The following SLC39A9 variants were observed in gnomAD, a reference collection of about 807,000 sequenced individuals.
SLC39A9 encodes zinc transporter ZIP9.
SLC39A9 carries 14 observed loss-of-function variants against 28.4 expected under a neutral mutation model. The observed-to-expected ratio is 0.49, with a 90% CI of 0.33 to 0.77. The LOEUF (loss-of-function observed/expected upper bound fraction) is 0.77. Ranked by LOEUF, SLC39A9 falls within the 30% of genes least tolerant of loss-of-function variation. The pLI is 0.02. For missense variants in SLC39A9, 283 were observed against 381.1 expected (o/e 0.74, Z 2.14); for synonymous variants, 119 against 149.6 (o/e 0.80, Z 1.49).
intron 2 of SLC39A9, among the ~76,000 whole-genome samples, chr14:69,425,836 AT>A (rs1281090762): frequency 1.3e-5 from 2 of 150,918 alleles, no homozygotes; most frequent in Non-Finnish European, 3.0e-5. Flanking sequence ...CTAATGTTTA[AT>A]TTTTTTTTGT....
At chr14:69,434,796 T>G (rs1337159454) in intron 2 of SLC39A9, among the ~76,000 whole-genome samples, 1 of 152,246 alleles carries the variant, frequency 6.6e-6, no homozygotes, top group Non-Finnish European at 1.5e-5. Context: ...TAATTTTTCA[T>G]GCAACTTCCT....
intron 2 of SLC39A9, chr14:69,441,732 G>T: frequency 1.1e-6 from 1 of 929,726 alleles, no homozygotes; most frequent in Non-Finnish European, 1.3e-6. Flanking sequence ...ATTTTCTGGT[G>T]AGATTGGCAT....
intron 1 of SLC39A9, among the ~76,000 whole-genome samples, chr14:69,412,257 C>T (rs942316815): frequency 3.3e-5 from 5 of 151,584 alleles, no homozygotes; most frequent in South Asian, 2.1e-4. Context: ...GGCATGGTGG[C>T]GGGCGCCTAT....
chr14:69,443,116 A>G (rs1401660640), intron 3 of SLC39A9, among the ~76,000 whole-genome samples: 1 of 152,218 alleles, frequency 6.6e-6, no homozygotes, highest in Non-Finnish European at 1.5e-5. Context: ...TACGATTTAT[A>G]TTAATAAAAA....
Position 69,460,097 on chromosome 14 carries a change from A to T in SLC39A9, c.*1504A>T. 2.0e-6 allele frequency: 2 copies of T among 978,944 alleles called. No homozygotes were observed. Among genetic ancestry groups the T allele is most frequent in the Non-Finnish European group, 1.2e-6 (1 of 823,716 alleles). 60.6% of individuals were successfully genotyped at this position (978,944 alleles called of 1,614,324 possible). ...ACCCTGTCTTGTCAAATAAGTGTAT[A>T]ATATTGTATTATTAATTTATTTTTA... On this transcript the variant is annotated 3_prime_UTR_variant, in exon 7 of 7. Coordinates refer to ENST00000336643, the MANE Select transcript of SLC39A9 (RefSeq NM_018375.5).
rs182499903 is a variant in SLC39A9, at chr14:69,458,711, C to T, written c.*118C>T. The T allele has an allele frequency of 3.2e-3, 4,577 of 1,431,876 alleles. 26 individuals carry two copies. Among genetic ancestry groups the T allele is most frequent in the Non-Finnish European group, 2.8e-3 (3,105 of 1,094,134 alleles). The allele number at this position is 1,431,876 out of a possible 1,614,324, so 88.7% of individuals were successfully genotyped here. A position where few individuals can be genotyped will look rare whatever the true frequency, so the allele number is the denominator to read the frequency against. On this transcript the variant is annotated 3_prime_UTR_variant, in exon 7 of 7. Coordinates refer to ENST00000336643, the MANE Select transcript of SLC39A9 (RefSeq NM_018375.5). ...CACCTTGCGCATCTCTACATGTATT[C>T]CTAGAGTCCAGAGGGGAGGTGAGGT...
intron 3 of SLC39A9, among the ~76,000 whole-genome samples, chr14:69,452,775 A>G (rs866763364): frequency 6.6e-6 from 1 of 152,218 alleles, no homozygotes; most frequent in Non-Finnish European, 1.5e-5. Flanking sequence ...AATGTGACAG[A>G]TGTTAGAATG....
At chr14:69,421,249 C>T (rs1312560635) in intron 1 of SLC39A9, among the ~76,000 whole-genome samples, 1 of 152,234 alleles carries the variant, frequency 6.6e-6, no homozygotes, top group East Asian at 1.9e-4. Context: ...TTCTAACAGT[C>T]AGGTCCCTCA....
At chr14:69,399,743 A>T (rs1366835388) in intron 1 of SLC39A9, among the ~76,000 whole-genome samples, 1 of 152,184 alleles carries the variant, frequency 6.6e-6, no homozygotes, top group African/African-American at 2.4e-5. Context: ...CTGTGCATTT[A>T]CCTGGAGAGA....
intron 3 of SLC39A9, among the ~76,000 whole-genome samples, chr14:69,445,233 G>A (rs1885235880): frequency 6.6e-6 from 1 of 151,594 alleles, no homozygotes; most frequent in Non-Finnish European, 1.5e-5. Flanking sequence ...TGCCTCTCCT[G>A]CCCCCCTTCC....
intron 1 of SLC39A9, among the ~76,000 whole-genome samples, chr14:69,418,184 A>C (rs1243597937): frequency 6.6e-6 from 1 of 152,088 alleles, no homozygotes; most frequent in Non-Finnish European, 1.5e-5. Flanking sequence ...AGAGCTGTTG[A>C]ATTTTGTCAA....
chr14:69,460,029 G>T lies in SLC39A9; in HGVS notation c.*1436G>T. 1 of 984,968 alleles carries T rather than the reference G, an allele frequency of 1.0e-6. No homozygotes were observed. The highest frequency in any genetic ancestry group is 1.2e-6 in the Non-Finnish European group (1 of 829,184). The allele number at this position is 984,968 out of a possible 1,614,324, so 61.0% of individuals were successfully genotyped here. On this transcript the variant is annotated 3_prime_UTR_variant, in exon 7 of 7. Coordinates refer to ENST00000336643, the MANE Select transcript of SLC39A9 (RefSeq NM_018375.5). ...ATTGAGATAGCAAAAGTGTTTAACA[G>T]ACTAGGATAATTTTTTTTTCATATT...
intron 2 of SLC39A9, among the ~76,000 whole-genome samples, chr14:69,437,002 G>A (rs1465285488): frequency 6.6e-6 from 1 of 152,032 alleles, no homozygotes; most frequent in Non-Finnish European, 1.5e-5. Context: ...CGAGTAGCTG[G>A]GACTACAGGT....
chr14:69,450,104 G>T (rs753205510), intron 3 of SLC39A9, among the ~76,000 whole-genome samples: 7 of 152,064 alleles, frequency 4.6e-5, no homozygotes, highest in Admixed American at 3.9e-4. Context: ...AACAAGAATC[G>T]CTTGAACCTG....
rs1886093000 is a variant in SLC39A9, at chr14:69,461,119, C to A, written c.*2526C>A. 1.0e-6 allele frequency: 1 copy of A among 986,746 alleles called. No individual in the cohort carries two copies. Among genetic ancestry groups the A allele is most frequent in the Non-Finnish European group, 1.2e-6 (1 of 830,848 alleles). The allele number at this position is 986,746 out of a possible 1,614,324, so 61.1% of individuals were successfully genotyped here. ...GAAAACATTGGCAATACTTAAGTTG[C>A]TGCCATGATTACAGATGGAATTATT... On this transcript the variant is annotated 3_prime_UTR_variant, in exon 7 of 7. Transcript: ENST00000336643.
intron 5 of SLC39A9, 92 bp from the exon 6 acceptor site, chr14:69,455,640 A>G (rs1304637671): frequency 6.5e-7 from 1 of 1,532,296 alleles, no homozygotes; most frequent in South Asian, 1.2e-5. Context: ...TTTTCTTTGT[A>G]TGAGAAATCA....
At chr14:69,415,271 T>A (rs1166669623) in intron 1 of SLC39A9, among the ~76,000 whole-genome samples, 2 of 152,258 alleles carry the variant, frequency 1.3e-5, no homozygotes, top group Non-Finnish European at 2.9e-5. Flanking sequence ...CCAGTTGCTC[T>A]ATATCTTGTA....
Position 69,408,068 on chromosome 14 carries a change from C to T in SLC39A9, c.96+8603C>T, listed in dbSNP as rs1883042989. 2.6e-5 allele frequency among the ~76,000 whole-genome samples: 4 copies of T among 151,916 alleles called. No homozygotes were observed. The South Asian group carries it at 8.3e-4, about 32-fold the overall frequency. ...TTGCTCTGTTGCCCAGGCAGGAGTG[C>T]AGTGGTATGATCTTGGCTCACCACA... On this transcript the variant is annotated intron_variant, in intron 1 of 6. Coordinates refer to ENST00000336643, the MANE Select transcript of SLC39A9 (RefSeq NM_018375.5).
intron 2 of SLC39A9, among the ~76,000 whole-genome samples, chr14:69,425,359 A>G (rs886639976): frequency 2.0e-5 from 3 of 152,274 alleles, no homozygotes; most frequent in Middle Eastern, 3.4e-3. Flanking sequence ...ATGTGATTCC[A>G]CTATAGAAAT....
Sources: gnomAD v4.1 joint callset for allele counts (sites outside exome capture counted in the v4.1 genomes callset) on GRCh38, gnomAD v4.1.1 for gene constraint, MANE v1.5 for transcripts, NCBI Gene and HGNC (gene_info 2026-07-23, HGNC 2026-07-21) for gene names.